The following ASIC2 variants were observed in gnomAD, a reference collection of about 807,000 sequenced individuals.
The protein encoded by ASIC2 is acid-sensing ion channel 2.
Under a neutral mutation model 57.3 loss-of-function variants are expected in ASIC2, and 25 were observed. The ratio of observed to expected loss-of-function variants is 0.44; its 90% CI spans 0.32 to 0.61. The LOEUF (loss-of-function observed/expected upper bound fraction) is 0.61. Among genes scored for constraint, ASIC2 ranks in the 20% least tolerant of loss-of-function variants. The pLI, the probability that ASIC2 is intolerant of heterozygous loss-of-function variation, is 0.06. For missense variants in ASIC2, 641 were observed against 738.1 expected (o/e 0.87, Z 1.52); for synonymous variants, 319 against 307.5 (o/e 1.04, Z -0.39).
At chr17:33,266,634 A>C (rs531453722) in intron 1 of ASIC2, among the ~76,000 whole-genome samples, 2 of 145,256 alleles carry the variant, frequency 1.4e-5, no homozygotes, top group South Asian at 4.4e-4. Context: ...CCCCATCCGC[A>C]CAACCGTGGC....
At chr17:34,105,862 A>G (rs189882525) in intron 1 of ASIC2, among the ~76,000 whole-genome samples, 2 of 152,130 alleles carry the variant, frequency 1.3e-5, no homozygotes, top group Admixed American at 6.5e-5. Context: ...CAAGAGTAGG[A>G]GTACTTTCTT....
At chr17:33,657,483 T>C (rs280051) in intron 1 of ASIC2, among the ~76,000 whole-genome samples, 125,291 of 151,972 alleles carry the variant, frequency 0.82, 51,838 homozygotes, top group African/African-American at 0.89. Context: ...TAAAATTCAG[T>C]GGGAAGCAGG....
At chr17:33,603,541 A>G (rs762965118) in intron 1 of ASIC2, among the ~76,000 whole-genome samples, 1 of 152,048 alleles carries the variant, frequency 6.6e-6, no homozygotes, top group Non-Finnish European at 1.5e-5. Flanking sequence ...AGAAACAGAC[A>G]AGAGAGAAAT....
chr17:33,103,806 C>T (rs1311013483), intron 2 of ASIC2, among the ~76,000 whole-genome samples: 1 of 152,190 alleles, frequency 6.6e-6, no homozygotes. Flanking sequence ...TAGCACCTCA[C>T]CCATGCCCTC....
In ASIC2 at chr17:33,604,616, G is replaced by C. The variant is rs541121341; in HGVS notation, c.556-492549C>G. On this transcript the variant is annotated intron_variant, in intron 1 of 9. Coordinates refer to the ASIC2 transcript ENST00000359872. The stretch of plus-strand genomic sequence containing the variant: ...GGGCATTCCACCTGAGGGGTGGAGT[G>C]AATTGGGTCCTCAGAGAAAGAGGCG... Among the ~76,000 whole-genome samples, 10 of 152,260 alleles carry C rather than the reference G, an allele frequency of 6.6e-5. No individual in the cohort carries two copies. The South Asian group carries it at 2.1e-3, about 32-fold the overall frequency.
chr17:33,727,032 C>T (rs866283260), intron 1 of ASIC2, among the ~76,000 whole-genome samples: 6 of 152,284 alleles, frequency 3.9e-5, no homozygotes, highest in African/African-American at 1.2e-4. Context: ...CACTGAATCT[C>T]CTAGAAGGTT....
intron 1 of ASIC2, among the ~76,000 whole-genome samples, chr17:33,829,640 G>A (rs1042494805): frequency 2.7e-5 from 4 of 150,664 alleles, no homozygotes; most frequent in Non-Finnish European, 5.9e-5. Flanking sequence ...GCAGTGGTGC[G>A]ATCTCAGCTC....
intron 1 of ASIC2, chr17:34,072,252 G>A (rs1159316689): frequency 1.3e-5 from 2 of 152,390 alleles, no homozygotes; most frequent in East Asian, 1.9e-4. Flanking sequence ...CCCTCTCAAG[G>A]TGCCAACTCA....
At chr17:33,101,385 G>A (rs2092211587) in intron 2 of ASIC2, among the ~76,000 whole-genome samples, 1 of 152,096 alleles carries the variant, frequency 6.6e-6, no homozygotes, top group African/African-American at 2.4e-5. Flanking sequence ...AAAATCAAGT[G>A]GTATTGCAAG....
chr17:33,777,778 C>A (rs773068900), intron 1 of ASIC2, among the ~76,000 whole-genome samples: 1 of 152,166 alleles, frequency 6.6e-6, no homozygotes. Context: ...TAAAAGTCCT[C>A]CCAGGTAGCA....
intron 1 of ASIC2, among the ~76,000 whole-genome samples, chr17:33,498,755 T>C (rs1914016143): frequency 6.6e-6 from 1 of 152,132 alleles, no homozygotes; most frequent in Non-Finnish European, 1.5e-5. Flanking sequence ...CTGCAATGAA[T>C]GCTCTTCCCA....
At chr17:34,037,781 C>G in intron 1 of ASIC2, 1 of 1,614,178 alleles carries the variant, frequency 6.2e-7, no homozygotes, top group Non-Finnish European at 8.5e-7. Flanking sequence ...GGCCAAGCAT[C>G]GTCGAATCAA....
intron 1 of ASIC2, among the ~76,000 whole-genome samples, chr17:33,769,807 G>A (rs1173329129): frequency 6.6e-6 from 1 of 152,206 alleles, no homozygotes; most frequent in African/African-American, 2.4e-5. Flanking sequence ...TGTCTAGTGA[G>A]GCTCACTTCC....
intron 1 of ASIC2, among the ~76,000 whole-genome samples, chr17:33,287,521 G>A (rs1905246114): frequency 6.6e-6 from 1 of 152,234 alleles, no homozygotes; most frequent in South Asian, 2.1e-4. Context: ...AGAGTGTGCA[G>A]AGCTCAAGTC....
Position 33,868,181 on chromosome 17 carries a change from A to ATG in ASIC2, c.555+287795_555+287796dup, listed in dbSNP as rs142553706. ...TATTTATGGCAGGGTCAACAAATGTATGTGTGTGTGTGTATGTGTGTGTGT... is the reference window on the plus strand; with the variant it reads ...TATTTATGGCAGGGTCAACAAATGTATGTGTGTGTGTGTGTATGTGTGTGTGT... On this transcript the variant is annotated intron_variant, in intron 1 of 9. Coordinates refer to the ASIC2 transcript ENST00000359872. 2.4e-3 allele frequency among the ~76,000 whole-genome samples: 365 copies of ATG among 150,236 alleles called. 1 individual carries two copies. The highest frequency in any genetic ancestry group is 6.0e-3 in the African/African-American group (244 of 40,888).
chr17:33,678,549 G>T (rs1289843894), intron 1 of ASIC2, among the ~76,000 whole-genome samples: 1 of 151,928 alleles, frequency 6.6e-6, no homozygotes, highest in Non-Finnish European at 1.5e-5. Context: ...GTGTCAGTGG[G>T]ACTTTACTGC....
chr17:33,088,642 C>T (rs556765310), intron 3 of ASIC2, among the ~76,000 whole-genome samples: 6 of 152,208 alleles, frequency 3.9e-5, no homozygotes, highest in Admixed American at 3.9e-4. Context: ...AAAAACCCAA[C>T]CAGTTTGGTG....
At chr17:33,482,841 C>A (rs1913451108) in intron 1 of ASIC2, among the ~76,000 whole-genome samples, 2 of 152,232 alleles carry the variant, frequency 1.3e-5, no homozygotes, top group Non-Finnish European at 2.9e-5. Context: ...TCAAGACAGG[C>A]CTGGCAATGA....
At chr17:33,604,875 T>A (rs1416539617) in intron 1 of ASIC2, among the ~76,000 whole-genome samples, 1 of 152,124 alleles carries the variant, frequency 6.6e-6, no homozygotes, top group Non-Finnish European at 1.5e-5. Flanking sequence ...ATAATGAGGC[T>A]CAGAAGGAGG....
Sources: gnomAD v4.1 joint callset for allele counts (sites outside exome capture counted in the v4.1 genomes callset) on GRCh38, gnomAD v4.1.1 for gene constraint, MANE v1.5 for transcripts, NCBI Gene and HGNC (gene_info 2026-07-23, HGNC 2026-07-21) for gene names.